ATP5PF: variants seen among roughly 807,000 people sequenced by gnomAD.
The protein encoded by ATP5PF is ATP synthase peripheral stalk subunit F6, mitochondrial.
ATP5PF carries 7 observed loss-of-function variants against 12.0 expected under a neutral mutation model. The ratio of observed to expected loss-of-function variants is 0.58; its 90% CI spans 0.33 to 1.10. The LOEUF (loss-of-function observed/expected upper bound fraction) is 1.10. Ranked by LOEUF, ATP5PF falls within the 50% of genes least tolerant of loss-of-function variation. ATP5PF has a pLI of 0.03. For synonymous variants in ATP5PF, 41 were observed against 45.4 expected (o/e 0.90, Z 0.39); for missense variants, 120 against 127.7 (o/e 0.94, Z 0.29).
intron 2 of ATP5PF, among the ~76,000 whole-genome samples, chr21:25,727,821 CA>C (rs1568928947): frequency 6.6e-6 from 1 of 152,164 alleles, no homozygotes; most frequent in Non-Finnish European, 1.5e-5. Flanking sequence ...TGATTTTTGG[CA>C]AATTCTAACT....
At chr21:25,731,549 T>A (rs969426115) in intron 1 of ATP5PF, among the ~76,000 whole-genome samples, 2 of 151,604 alleles carry the variant, frequency 1.3e-5, no homozygotes, top group Non-Finnish European at 2.9e-5. Context: ...CACACCAGGC[T>A]AATTTTTACT....
upstream of ATP5PF, chr21:25,735,155 C>G (rs1019399119): frequency 1.5e-6 from 1 of 648,440 alleles, no homozygotes; most frequent in Admixed American, 2.3e-5. Flanking sequence ...TCCTTGAAAC[C>G]TTGCTCTGTA....
chr21:25,725,589 G>A (rs1371215330), intron 2 of ATP5PF, among the ~76,000 whole-genome samples: 5 of 151,978 alleles, frequency 3.3e-5, no homozygotes, highest in African/African-American at 7.2e-5. Context: ...ACAGGCACAC[G>A]CCACCATGCC....
At chr21:25,732,408 A>G (rs1201726748) in intron 1 of ATP5PF, among the ~76,000 whole-genome samples, 14 of 151,672 alleles carry the variant, frequency 9.2e-5, no homozygotes, top group Admixed American at 8.5e-4. Flanking sequence ...GCACTTTGGA[A>G]GAACAAGGCA....
At chr21:25,733,891 T>C (rs1005247844) in intron 1 of ATP5PF, among the ~76,000 whole-genome samples, 4 of 152,222 alleles carry the variant, frequency 2.6e-5, no homozygotes, top group African/African-American at 9.6e-5. Flanking sequence ...AAATCCACTT[T>C]CATTGTTTCA....
chr21:25,725,465 G>C (rs2034594256), intron 2 of ATP5PF, 115 bp from the exon 3 acceptor site: 1 of 1,247,188 alleles, frequency 8.0e-7, no homozygotes, highest in South Asian at 1.7e-5. Context: ...TTTTGAGACG[G>C]AGTCTTGCTT....
chr21:25,734,803 A>G (rs890674749), intron 1 of ATP5PF, 50 bp downstream of exon 1: 15 of 1,505,856 alleles, frequency 1.0e-5, no homozygotes, highest in Non-Finnish European at 1.3e-5. Flanking sequence ...GAAAAAACCC[A>G]GAACTGGAGT....
intron 1 of ATP5PF, among the ~76,000 whole-genome samples, chr21:25,733,500 C>T (rs1407032779): frequency 6.6e-6 from 1 of 151,980 alleles, no homozygotes; most frequent in African/African-American, 2.4e-5. Flanking sequence ...GCAATCCAGC[C>T]TGGGCGACAG....
chr21:25,726,768 T>G (rs2123441516), intron 2 of ATP5PF, among the ~76,000 whole-genome samples: 1 of 152,376 alleles, frequency 6.6e-6, no homozygotes, highest in South Asian at 2.1e-4. Flanking sequence ...TAAATACTAC[T>G]GCCTACCTAG....
upstream of ATP5PF, chr21:25,734,946 C>T (rs1367436251): frequency 6.3e-7 from 1 of 1,576,164 alleles, no homozygotes; most frequent in Admixed American, 1.8e-5. Flanking sequence ...TACCCGCCAT[C>T]GCAATGCATT....
At chr21:25,733,322 G>A (rs2034856906) in intron 1 of ATP5PF, among the ~76,000 whole-genome samples, 1 of 152,140 alleles carries the variant, frequency 6.6e-6, no homozygotes, top group Admixed American at 6.5e-5. Context: ...GAGGTCAGGA[G>A]ATCGAGACCA....
intron 1 of ATP5PF, among the ~76,000 whole-genome samples, chr21:25,731,454 G>A (rs542484270): frequency 1.3e-5 from 2 of 151,618 alleles, no homozygotes; most frequent in African/African-American, 2.4e-5. Flanking sequence ...GAATGAACAC[G>A]GCTCACTACA....
intron 2 of ATP5PF, among the ~76,000 whole-genome samples, chr21:25,726,563 G>T (rs891906393): frequency 6.6e-6 from 1 of 152,208 alleles, no homozygotes; most frequent in Non-Finnish European, 1.5e-5. Flanking sequence ...AAGGAGTCTA[G>T]ATGGAAAAAC....
At position 25,725,317 on chromosome 21, in the gene ATP5PF, C is replaced by A. The variant is rs1322253921; in HGVS notation, c.198G>T (p.Glu66Asp). The A allele has an allele frequency of 1.2e-6, 2 of 1,611,858 alleles. No homozygotes were observed. Among genetic ancestry groups the A allele is most frequent in the African/African-American group, 2.7e-5 (2 of 74,834 alleles). ...GCTCCCTCTCCAGCTCTTGCTGATACTCTGAACTAGCATCAACAGGTCCTC... is the reference window on the plus strand; with the variant it reads ...GCTCCCTCTCCAGCTCTTGCTGATAATCTGAACTAGCATCAACAGGTCCTC... ...TSGGPVDASSEYQQELERELF... is the reference protein window; with the variant it reads ...TSGGPVDASSDYQQELERELF... Residue 66 changes from glutamate (E) to aspartate (D), a missense_variant, in exon 3 of 4, where the codon GAG (glutamate) becomes GAT (aspartate). Physicochemically the swap from Glu to Asp is conservative, Grantham distance 45. Transcript: ENST00000284971.
intron 2 of ATP5PF, among the ~76,000 whole-genome samples, chr21:25,726,437 A>C (rs557357452): frequency 1.3e-5 from 2 of 152,350 alleles, no homozygotes; most frequent in African/African-American, 4.8e-5. Flanking sequence ...CATTTTAAAA[A>C]GGTGGCATTT....
At chr21:25,734,987 A>C, upstream of ATP5PF, 3 of 1,554,508 alleles carry the variant, frequency 1.9e-6, no homozygotes, top group Non-Finnish European at 1.7e-6. Flanking sequence ...GTCGACGCTC[A>C]CCGGACAGGA....
rs1425972087 is a variant in ATP5PF at position 25,724,688 on chromosome 21, G to T, written c.290-11C>A. The T allele has an allele frequency of 1.9e-6, 3 of 1,591,996 alleles. No individual in the cohort carries two copies. Among genetic ancestry groups the T allele is most frequent in the East Asian group, 4.6e-5 (2 of 43,838 alleles). On this transcript the variant is annotated splice_polypyrimidine_tract_variant and intron_variant, in intron 3 of 3. Coordinates refer to ENST00000284971, the MANE Select transcript of ATP5PF (RefSeq NM_001003703.2). Reference sequence around the variant, plus strand: ...CTTCAAATTTGGGATCTAAGAAGAGGGGGAAAAAAGGGTCAAGCTTAGCCA... The same window carrying T: ...CTTCAAATTTGGGATCTAAGAAGAGTGGGAAAAAAGGGTCAAGCTTAGCCA...
chr21:25,728,870 G>A (rs2034684139), intron 2 of ATP5PF, among the ~76,000 whole-genome samples: 2 of 152,056 alleles, frequency 1.3e-5, no homozygotes, highest in Non-Finnish European at 2.9e-5. Flanking sequence ...TACTCCTATC[G>A]GACTTTAAGA....
Position 25,724,688 on chromosome 21 carries a change from G to A in ATP5PF, c.290-11C>T, listed in dbSNP as rs1425972087. On this transcript the variant is annotated splice_polypyrimidine_tract_variant and intron_variant, in intron 3 of 3. Coordinates refer to ENST00000284971, the MANE Select transcript of ATP5PF (RefSeq NM_001003703.2). ...CTTCAAATTTGGGATCTAAGAAGAGGGGGAAAAAAGGGTCAAGCTTAGCCA... is the reference window on the plus strand; with the variant it reads ...CTTCAAATTTGGGATCTAAGAAGAGAGGGAAAAAAGGGTCAAGCTTAGCCA... The A allele has an allele frequency of 1.3e-6, 2 of 1,591,878 alleles. No individual in the cohort carries two copies. The highest frequency in any genetic ancestry group is 2.7e-5 in the African/African-American group (2 of 73,004).
Sources: gnomAD v4.1 joint callset for allele counts (sites outside exome capture counted in the v4.1 genomes callset) on GRCh38, gnomAD v4.1.1 for gene constraint, MANE v1.5 for transcripts, NCBI Gene and HGNC (gene_info 2026-07-23, HGNC 2026-07-21) for gene names.